The following CEP57 variants were observed in gnomAD, a reference collection of about 807,000 sequenced individuals.
The protein encoded by CEP57 is centrosomal protein 57, also known as centrosomal protein of 57 kDa.
Under a neutral mutation model 68.0 loss-of-function variants are expected in CEP57, and 40 were observed. That is an observed-to-expected ratio of 0.59 (90% CI 0.46 to 0.77). The LOEUF (loss-of-function observed/expected upper bound fraction) is 0.77, where lower values mean the gene tolerates loss of function less well. Ranked by LOEUF, CEP57 falls within the 30% of genes least tolerant of loss-of-function variation. CEP57 has a pLI of 0.00. For missense variants in CEP57, 606 were observed against 580.7 expected (o/e 1.04, Z -0.45); for synonymous variants, 219 against 198.7 (o/e 1.10, Z -0.86).
chr11:95,824,781 G>A (rs899451666), intron 8 of CEP57, among the ~76,000 whole-genome samples: 2 of 152,136 alleles, frequency 1.3e-5, no homozygotes, highest in Admixed American at 6.5e-5. Context: ...AACACAATCC[G>A]ATTTACAATC....
Position 95,822,499 on chromosome 11 carries a change from A to G in CEP57, c.808A>G (p.Lys270Glu). 2.5e-6 allele frequency: 4 copies of G among 1,610,954 alleles called. No homozygotes were observed. The highest frequency in any genetic ancestry group is 2.5e-6 in the Non-Finnish European group (3 of 1,177,268). The change falls in exon 8 of 11, where the codon AAA becomes GAA. Residue 270 changes from lysine (K) to glutamate (E), a missense_variant and splice_region_variant. Transcript: ENST00000325542. ...TTGTTTTCCTTTTCTTTTCATTCAG[A>G]AAAGTTCTAGGAACTATTTTGGTGC... Reference protein sequence around the residue: ...KKKKSKPPEKKSSRNYFGAQP... With the variant: ...KKKKSKPPEKESSRNYFGAQP...
In CEP57 at chr11:95,812,922, T is replaced by C; in HGVS notation, c.203-10T>C. On this transcript the variant is annotated splice_polypyrimidine_tract_variant and intron_variant, in intron 2 of 10. Coordinates refer to ENST00000325542, the MANE Select transcript of CEP57 (RefSeq NM_014679.5). The stretch of plus-strand genomic sequence containing the variant: ...GTTACAGCATCCACGTTTGTGTTTG[T>C]ATTTGGCAGCCATATTTTCTGCTCT... 1 of 1,613,580 alleles carries C rather than the reference T, an allele frequency of 6.2e-7. No individual in the cohort carries two copies. The highest frequency in any genetic ancestry group is 8.5e-7 in the Non-Finnish European group (1 of 1,179,706).
intron 4 of CEP57, among the ~76,000 whole-genome samples, chr11:95,816,659 T>A (rs1187336778): frequency 6.6e-6 from 1 of 152,242 alleles, no homozygotes; most frequent in Non-Finnish European, 1.5e-5. Context: ...TATTCAAATT[T>A]CTATTAATAT....
chr11:95,794,126 C>A (rs764827094), intron 1 of CEP57: 1 of 356,608 alleles, frequency 2.8e-6, no homozygotes, highest in Non-Finnish European at 5.6e-6. Context: ...TAGTGCCATT[C>A]TTTTCACTAG....
intron 6 of CEP57, among the ~76,000 whole-genome samples, chr11:95,820,262 A>C (rs887576531): frequency 6.6e-6 from 1 of 152,132 alleles, no homozygotes; most frequent in East Asian, 1.9e-4. Flanking sequence ...ATATTATTGT[A>C]CTGAAAGAAC....
chr11:95,818,006 TATA>T (rs1449784520), intron 5 of CEP57, 103 bp downstream of exon 5: 3 of 754,516 alleles, frequency 4.0e-6, no homozygotes, highest in Admixed American at 4.0e-5. Context: ...AAAGTGATCT[TATA>T]ATGAAGAAAT....
chr11:95,792,136 G>C (rs1861111133), intron 1 of CEP57, among the ~76,000 whole-genome samples: 1 of 152,150 alleles, frequency 6.6e-6, no homozygotes, highest in Non-Finnish European at 1.5e-5. Flanking sequence ...AGAGGTCTGG[G>C]GAAGTTAAGG....
chr11:95,790,391 C>T (rs563692802), upstream of CEP57: 137 of 489,102 alleles, frequency 2.8e-4, 3 homozygotes, highest in South Asian at 3.4e-3. Context: ...GGCCCCGTTA[C>T]GCGCTACCTT....
chr11:95,802,295 C>T (rs1327007256), intron 2 of CEP57, among the ~76,000 whole-genome samples: 1 of 149,302 alleles, frequency 6.7e-6, no homozygotes, highest in East Asian at 2.0e-4. Context: ...CACTCTGTCA[C>T]CCAGGCTGGA....
At chr11:95,813,939 C>A (rs910753960) in intron 4 of CEP57, among the ~76,000 whole-genome samples, 1 of 152,208 alleles carries the variant, frequency 6.6e-6, no homozygotes, top group Non-Finnish European at 1.5e-5. Context: ...TAAAACTCTT[C>A]AGAATTGTTA....
Position 95,803,316 on chromosome 11 carries a change from T to C in CEP57, c.202+3928T>C, listed in dbSNP as rs148301227. On this transcript the variant is annotated intron_variant, in intron 2 of 10. Transcript: ENST00000325542. The stretch of plus-strand genomic sequence containing the variant: ...AGATGAATACTAAGCAAATGAAAAT[T>C]AAAAAGTCAAGTATAATAGAGAACA... 2.6e-5 allele frequency among the ~76,000 whole-genome samples: 4 copies of C among 152,126 alleles called. No homozygotes were observed. The East Asian group carries it at 7.7e-4, about 29-fold the overall frequency.
Position 95,832,019 on chromosome 11 carries a change from T to G in CEP57, c.*763T>G, listed in dbSNP as rs1590963560. ...ATACCTTCACAGTTCTTAATACCTG[T>G]TTTGTAATCATGATATTCAGTCAAG... On this transcript the variant is annotated 3_prime_UTR_variant, in exon 11 of 11. Transcript: ENST00000325542. 6.6e-6 allele frequency: 1 copy of G among 152,242 alleles called. No homozygotes were observed. The highest frequency in any genetic ancestry group is 1.9e-4 in the East Asian group (1 of 5,178). 9.4% of individuals were successfully genotyped at this position (152,242 alleles called of 1,614,324 possible). A position where few individuals can be genotyped will look rare whatever the true frequency, so the allele number is the denominator to read the frequency against.
In CEP57 at chr11:95,832,134, C is replaced by T. The variant is rs966032638; in HGVS notation, c.*878C>T. 6.6e-6 allele frequency: 1 copy of T among 152,020 alleles called. No individual in the cohort carries two copies. The highest frequency in any genetic ancestry group is 2.4e-5 in the African/African-American group (1 of 41,400). 9.4% of individuals were successfully genotyped at this position (152,020 alleles called of 1,614,324 possible). On this transcript the variant is annotated 3_prime_UTR_variant, in exon 11 of 11. Coordinates refer to ENST00000325542, the MANE Select transcript of CEP57 (RefSeq NM_014679.5). ...GTATGAGTGGAATATAAACTGTACA[C>T]ATAATTATCATGTTGATATAAATCA...
chr11:95,827,256 G>GA (rs1862782607), intron 8 of CEP57: 1 of 155,174 alleles, frequency 6.4e-6, no homozygotes, highest in South Asian at 2.0e-4. Flanking sequence ...ATACAGAAAT[G>GA]AACAATAGTG....
At chr11:95,827,745 T>C in intron 8 of CEP57, 41 bp from the exon 9 acceptor site, 1 of 1,612,162 alleles carries the variant, frequency 6.2e-7, no homozygotes, top group Non-Finnish European at 8.5e-7. Context: ...GTGTAGAGAA[T>C]ATAACTTCAA....
At chr11:95,812,653 T>C (rs1019101305) in intron 2 of CEP57, among the ~76,000 whole-genome samples, 1 of 152,124 alleles carries the variant, frequency 6.6e-6, no homozygotes, top group Admixed American at 6.6e-5. Flanking sequence ...TGTGTTAGGC[T>C]GGTCTCGAAC....
intron 6 of CEP57, among the ~76,000 whole-genome samples, chr11:95,820,867 A>C (rs192515544): frequency 6.6e-6 from 1 of 152,128 alleles, no homozygotes; most frequent in African/African-American, 2.4e-5. Context: ...GTGTGTTTGG[A>C]GTGTATAGAT....
intron 4 of CEP57, among the ~76,000 whole-genome samples, chr11:95,815,502 A>G (rs1344023844): frequency 7.1e-6 from 1 of 141,526 alleles, no homozygotes; most frequent in Non-Finnish European, 1.6e-5. Context: ...ATTCTCCCTT[A>G]TGGTATCTTT....
chr11:95,819,547 A>G (rs1862435200), intron 6 of CEP57, among the ~76,000 whole-genome samples: 1 of 152,120 alleles, frequency 6.6e-6, no homozygotes, highest in Non-Finnish European at 1.5e-5. Context: ...GTAAAATAAA[A>G]TTTTCATGTT....
Sources: gnomAD v4.1 joint callset for allele counts (sites outside exome capture counted in the v4.1 genomes callset) on GRCh38, gnomAD v4.1.1 for gene constraint, MANE v1.5 for transcripts, NCBI Gene and HGNC (gene_info 2026-07-23, HGNC 2026-07-21) for gene names.